The following MED13L variants were observed in gnomAD, a reference collection of about 807,000 sequenced individuals.
The protein encoded by MED13L is mediator complex subunit 13L, also known as mediator of RNA polymerase II transcription subunit 13-like.
MED13L carries 7 observed loss-of-function variants against 220.9 expected under a neutral mutation model. The observed-to-expected ratio is 0.03, with a 90% CI of 0.02 to 0.06. The LOEUF (loss-of-function observed/expected upper bound fraction) is 0.06. Ranked by LOEUF, MED13L falls within the 10% of genes least tolerant of loss-of-function variation. The pLI, the probability that MED13L is intolerant of heterozygous loss-of-function variation, is 1.00. For missense variants in MED13L, 1,965 were observed against 2,760.5 expected, an observed-to-expected ratio of 0.71 and a Z score of 6.46; for synonymous variants, 1,011 against 1,015.2, an observed-to-expected ratio of 1.00 and a Z score of 0.08.
intron 10 of MED13L, 29 bp from the exon 11 acceptor site, chr12:116,007,665 A>AG (rs1555247735): frequency 1.3e-6 from 2 of 1,498,398 alleles, no homozygotes; most frequent in South Asian, 1.2e-5. Context: ...AAAAAAAAAA[A>AG]GAGCATTTAT....
chr12:116,276,656 G>A (rs1211101670), intron 1 of MED13L: 3 of 1,193,698 alleles, frequency 2.5e-6, no homozygotes, highest in Admixed American at 3.7e-5. Flanking sequence ...AACAACGGGG[G>A]AAGAGGTTGC....
intron 4 of MED13L, among the ~76,000 whole-genome samples, chr12:116,073,007 A>G (rs1870501891): frequency 6.6e-6 from 1 of 152,196 alleles, no homozygotes; most frequent in Admixed American, 6.5e-5. Flanking sequence ...ATACTATGGT[A>G]GATTATAAGT....
rs78200293 is a variant in MED13L, at chr12:116,092,713, G to A, written c.479+3956C>T. On this transcript the variant is annotated intron_variant, in intron 4 of 30. Transcript: ENST00000281928. ...TTTAAAAAGTCTGAAGTTAAGAGGA[G>A]AGAAGACAAAAACGATAGTTAAAGT... 3.4e-3 allele frequency among the ~76,000 whole-genome samples: 511 copies of A among 152,248 alleles called. 13 individuals carry two copies. The highest frequency in any genetic ancestry group is 1.7e-3 in the East Asian group (9 of 5,186).
At chr12:116,145,428 G>A (rs1179025596) in intron 2 of MED13L, among the ~76,000 whole-genome samples, 1 of 152,110 alleles carries the variant, frequency 6.6e-6, no homozygotes, top group African/African-American at 2.4e-5. Flanking sequence ...AAAATTCTAG[G>A]CTTTCCTGCT....
At chr12:116,003,185 T>C (rs1302287297) in intron 13 of MED13L, 83 bp from the exon 14 acceptor site, 5 of 1,186,700 alleles carry the variant, frequency 4.2e-6, no homozygotes, top group Admixed American at 1.8e-5. Context: ...GTATGCCTAT[T>C]GGTAGATGCC....
At chr12:116,042,612 CT>C (rs1881601181) in intron 4 of MED13L, among the ~76,000 whole-genome samples, 1 of 152,214 alleles carries the variant, frequency 6.6e-6, no homozygotes, top group African/African-American at 2.4e-5. Flanking sequence ...AATCAGCCCC[CT>C]GAATCAAACT....
At chr12:116,077,543 A>G (rs1323154115) in intron 4 of MED13L, among the ~76,000 whole-genome samples, 1 of 152,214 alleles carries the variant, frequency 6.6e-6, no homozygotes, top group Non-Finnish European at 1.5e-5. Flanking sequence ...GGAATGGAAC[A>G]ATGGGCAGAG....
intron 2 of MED13L, among the ~76,000 whole-genome samples, chr12:116,188,728 T>C (rs1378215174): frequency 6.6e-6 from 1 of 152,124 alleles, no homozygotes; most frequent in Non-Finnish European, 1.5e-5. Flanking sequence ...TTTCACCAAC[T>C]TTCCTCCCAC....
chr12:116,140,928 C>T (rs146526253), intron 2 of MED13L, among the ~76,000 whole-genome samples: 8 of 152,244 alleles, frequency 5.3e-5, no homozygotes, highest in Non-Finnish European at 5.9e-5. Flanking sequence ...ATTCCTTGTC[C>T]AAAGGGGCAG....
intron 4 of MED13L, among the ~76,000 whole-genome samples, chr12:116,084,447 T>G (rs1394109983): frequency 6.6e-6 from 1 of 152,214 alleles, no homozygotes; most frequent in Non-Finnish European, 1.5e-5. Flanking sequence ...TTTCACATAT[T>G]GTTAAGAGAG....
intron 2 of MED13L, among the ~76,000 whole-genome samples, chr12:116,212,633 A>T (rs576558533): frequency 9.2e-5 from 14 of 152,208 alleles, no homozygotes; most frequent in Non-Finnish European, 1.8e-4. Flanking sequence ...CGGTATTAAA[A>T]GTTAATCTCC....
At chr12:116,006,511 T>A (rs1879055771) in intron 11 of MED13L, 100 bp from the exon 12 acceptor site, 2 of 913,480 alleles carry the variant, frequency 2.2e-6, no homozygotes, top group Admixed American at 3.6e-5. Context: ...TGGAACTTGT[T>A]ATGAGCACAA....
intron 2 of MED13L, among the ~76,000 whole-genome samples, chr12:116,207,122 C>T (rs1025551380): frequency 1.3e-5 from 2 of 151,862 alleles, no homozygotes; most frequent in Admixed American, 1.3e-4. Context: ...TGATGGTGGT[C>T]CCATAATATA....
intron 1 of MED13L, among the ~76,000 whole-genome samples, chr12:116,238,347 C>T (rs528995593): frequency 6.6e-6 from 1 of 152,270 alleles, no homozygotes; most frequent in Non-Finnish European, 1.5e-5. Flanking sequence ...TTATTTTTTA[C>T]ACACATTGTA....
At chr12:115,970,811 C>T (rs760590364) in intron 26 of MED13L, 41 bp from the exon 27 acceptor site, 2 of 1,585,170 alleles carry the variant, frequency 1.3e-6, no homozygotes, top group Non-Finnish European at 1.7e-6. Context: ...CAATGAACAA[C>T]CCCAGAAATG....
chr12:116,121,484 T>C (rs1274877547), intron 2 of MED13L, among the ~76,000 whole-genome samples: 1 of 151,608 alleles, frequency 6.6e-6, no homozygotes, highest in African/African-American at 2.4e-5. Context: ...ATTCCATAAA[T>C]GAAACTGACA....
At chr12:116,016,827 G>A (rs1393310257) in intron 7 of MED13L, among the ~76,000 whole-genome samples, 3 of 152,168 alleles carry the variant, frequency 2.0e-5, no homozygotes, top group Non-Finnish European at 4.4e-5. Context: ...GAGGCAAGTG[G>A]ATATACCAAT....
intron 2 of MED13L, among the ~76,000 whole-genome samples, chr12:116,182,588 T>G (rs575933539): frequency 4.7e-4 from 71 of 152,340 alleles, no homozygotes; most frequent in African/African-American, 1.6e-3. Flanking sequence ...TGCTACAGCT[T>G]ACTGAAGAAC....
chr12:116,146,830 T>A (rs1877564402), intron 2 of MED13L, among the ~76,000 whole-genome samples: 2 of 151,680 alleles, frequency 1.3e-5, no homozygotes, highest in South Asian at 4.2e-4. Flanking sequence ...ATCGCACCAC[T>A]GCACTCCAGC....
Sources: allele counts gnomAD v4.1 joint callset (sites outside exome capture counted in the v4.1 genomes callset), GRCh38; gene constraint gnomAD v4.1.1; transcripts MANE v1.5; gene names NCBI Gene and HGNC (gene_info 2026-07-23, HGNC 2026-07-21).